CMIP: variants seen among roughly 807,000 people sequenced by gnomAD.
CMIP encodes the protein c-Maf inducing protein.
CMIP carries 13 observed loss-of-function variants against 97.3 expected under a neutral mutation model. That is an observed-to-expected ratio of 0.13 (90% CI 0.09 to 0.21). The LOEUF is 0.21. Among genes scored for constraint, CMIP ranks in the 10% least tolerant of loss-of-function variants. The pLI, the probability that CMIP is intolerant of heterozygous loss-of-function variation, is 1.00. For missense variants in CMIP, 847 were observed against 1,024.9 expected (o/e 0.83, Z 2.37); for synonymous variants, 538 against 436.3 (o/e 1.23, Z -2.91).
intron 1 of CMIP, among the ~76,000 whole-genome samples, chr16:81,513,235 C>T (rs979602307): frequency 3.3e-5 from 5 of 152,228 alleles, no homozygotes; most frequent in Admixed American, 2.6e-4. Flanking sequence ...TGCCTGCATC[C>T]GTTGCTGCTC....
intron 3 of CMIP, chr16:81,645,411 A>G: frequency 6.8e-7 from 1 of 1,479,972 alleles, no homozygotes. Context: ...GCAGAGCAGC[A>G]GCCCCTGCCT....
Position 81,617,683 on chromosome 16 carries a change from C to T in CMIP, c.427-3193C>T, listed in dbSNP as rs573646893. The T allele has an allele frequency of 2.6e-5, 4 of 152,436 alleles. No individual in the cohort carries two copies. The South Asian group carries it at 6.2e-4, about 24-fold the overall frequency. The allele number at this position is 152,436 out of a possible 1,614,324, so 9.4% of individuals were successfully genotyped here. A position where few individuals can be genotyped will look rare whatever the true frequency, so the allele number is the denominator to read the frequency against. On this transcript the variant is annotated intron_variant, in intron 2 of 20. Coordinates refer to ENST00000537098, the MANE Select transcript of CMIP (RefSeq NM_198390.3). The stretch of plus-strand genomic sequence containing the variant: ...TTCTTCCTTTGTTTCTGTGTTCATT[C>T]GTTCCAGTGTAACCAGCTCTGGCCC...
chr16:81,643,230 T>C (rs2092326991), intron 3 of CMIP, among the ~76,000 whole-genome samples: 1 of 152,206 alleles, frequency 6.6e-6, no homozygotes, highest in Non-Finnish European at 1.5e-5. Context: ...GACATCTGTC[T>C]CACCTGGAAG....
chr16:81,686,075 G>C (rs1905353806), intron 10 of CMIP, among the ~76,000 whole-genome samples: 1 of 152,218 alleles, frequency 6.6e-6, no homozygotes, highest in Admixed American at 6.5e-5. Context: ...GGGGTGCCAA[G>C]AGCACCCGCC....
At chr16:81,699,910 T>A in intron 15 of CMIP, 109 bp downstream of exon 15, 1 of 715,130 alleles carries the variant, frequency 1.4e-6, no homozygotes, top group Non-Finnish European at 2.4e-6. Flanking sequence ...CGGGGGGCAG[T>A]GGGTGAGGCG....
intron 1 of CMIP, among the ~76,000 whole-genome samples, chr16:81,577,978 C>G (rs889284210): frequency 4.0e-5 from 6 of 151,068 alleles, no homozygotes; most frequent in Non-Finnish European, 5.9e-5. Context: ...ATTATTATCA[C>G]TATCACCATC....
intron 1 of CMIP, among the ~76,000 whole-genome samples, chr16:81,459,346 C>T (rs1318575490): frequency 1.3e-5 from 2 of 152,138 alleles, no homozygotes; most frequent in Non-Finnish European, 2.9e-5. Flanking sequence ...GTGCCCGTGG[C>T]CCTGTGCTGT....
chr16:81,557,438 A>G (rs866225338), intron 1 of CMIP, among the ~76,000 whole-genome samples: 35 of 152,278 alleles, frequency 2.3e-4, no homozygotes, highest in Admixed American at 1.4e-3. Context: ...CTTTTTTTCT[A>G]ATTGACAAAC....
At chr16:81,669,790 C>T (rs1309594916) in intron 7 of CMIP, among the ~76,000 whole-genome samples, 1 of 152,152 alleles carries the variant, frequency 6.6e-6, no homozygotes, top group African/African-American at 2.4e-5. Context: ...CCTCCTTCCA[C>T]ACTCCACATT....
At chr16:81,477,211 A>AGT (rs1175360505) in intron 1 of CMIP, among the ~76,000 whole-genome samples, 4 of 151,930 alleles carry the variant, frequency 2.6e-5, no homozygotes, top group South Asian at 2.1e-4. Context: ...GCTGGAGTGC[A>AGT]GTGGTGTGGT....
At chr16:81,684,596 A>C (rs1042955588) in intron 10 of CMIP, among the ~76,000 whole-genome samples, 3 of 152,222 alleles carry the variant, frequency 2.0e-5, no homozygotes, top group Non-Finnish European at 4.4e-5. Context: ...AGCCTTGTTC[A>C]GTCCCAACAT....
At chr16:81,483,662 T>C (rs2089269150) in intron 1 of CMIP, among the ~76,000 whole-genome samples, 1 of 152,182 alleles carries the variant, frequency 6.6e-6, no homozygotes, top group South Asian at 2.1e-4. Context: ...ATTGGGCCCA[T>C]TGAGGCCTGC....
chr16:81,678,177 C>T lies in CMIP; in HGVS notation c.1035-98C>T, dbSNP rs117315194. The T allele has an allele frequency of 7.3e-4, 638 of 873,602 alleles. 5 individuals are homozygous for T. The highest frequency in any genetic ancestry group is 9.0e-4 in the Middle Eastern group (4 of 4,430). 54.1% of individuals were successfully genotyped at this position (873,602 alleles called of 1,614,324 possible). On this transcript the variant is annotated intron_variant, in intron 9 of 20. Transcript: ENST00000537098. ...GAATGATGATAGTATTACATTTTGG[C>T]CTCATCCTGGGATTCAGGGAGGCCT...
intron 4 of CMIP, among the ~76,000 whole-genome samples, chr16:81,653,214 T>C (rs900733598): frequency 1.8e-4 from 28 of 152,306 alleles, no homozygotes; most frequent in Admixed American, 5.2e-4. Flanking sequence ...ACCAGACTGA[T>C]GCTTCTGTCC....
Position 81,501,608 on chromosome 16 carries a change from C to CTT in CMIP, c.300+56085_300+56086dup, listed in dbSNP as rs1046564135. On this transcript the variant is annotated intron_variant, in intron 1 of 20. Coordinates refer to ENST00000537098, the MANE Select transcript of CMIP (RefSeq NM_198390.3). ...TTGATGCTTAGGTTTGACTCTGGTT[C>CTT]TTTTTTTTTTTTTTTTTTTCTGAGA... 1.8e-4 allele frequency among the ~76,000 whole-genome samples: 23 copies of CTT among 129,322 alleles called. 1 individual carries two copies. Among genetic ancestry groups the CTT allele is most frequent in the African/African-American group, 4.0e-4 (14 of 35,092 alleles). The allele number at this position is 129,322 out of a possible 152,430, so 84.8% of individuals were successfully genotyped here.
At chr16:81,457,132 A>T (rs1906598932) in intron 1 of CMIP, among the ~76,000 whole-genome samples, 2 of 150,990 alleles carry the variant, frequency 1.3e-5, no homozygotes, top group African/African-American at 4.9e-5. Context: ...CATGCCTCTG[A>T]CCTTTGGCAC....
intron 3 of CMIP, among the ~76,000 whole-genome samples, chr16:81,632,409 A>C (rs1436272425): frequency 6.6e-6 from 1 of 152,190 alleles, no homozygotes; most frequent in Admixed American, 6.5e-5. Context: ...TTTATCATCC[A>C]CGCGGTTCCG....
intron 4 of CMIP, among the ~76,000 whole-genome samples, chr16:81,653,358 C>A (rs1261869088): frequency 6.6e-6 from 1 of 152,218 alleles, no homozygotes; most frequent in African/African-American, 2.4e-5. Context: ...GGGCCTGGCA[C>A]CGGCCCTCCG....
intron 3 of CMIP, among the ~76,000 whole-genome samples, chr16:81,642,289 C>G (rs924119909): frequency 1.1e-4 from 17 of 152,200 alleles, no homozygotes; most frequent in Admixed American, 1.0e-3. Context: ...TGGTTTGTCT[C>G]ATCTCTGTAT....
Sources: gnomAD v4.1 joint callset for allele counts (sites outside exome capture counted in the v4.1 genomes callset) on GRCh38, gnomAD v4.1.1 for gene constraint, MANE v1.5 for transcripts, NCBI Gene and HGNC (gene_info 2026-07-23, HGNC 2026-07-21) for gene names.